The following DNAH14 variants were observed in gnomAD, a reference collection of about 807,000 sequenced individuals.
DNAH14 encodes the protein dynein axonemal heavy chain 14.
A neutral mutation model predicts 520.9 loss-of-function variants in DNAH14; 478 were observed. The observed-to-expected ratio is 0.92, with a 90% confidence interval of 0.85 to 0.99. The LOEUF is 0.99. Among genes scored for constraint, DNAH14 ranks in the 50% least tolerant of loss-of-function variants. DNAH14 has a pLI of 0.00. For missense variants in DNAH14, 4,831 were observed against 5,234.5 expected (o/e 0.92, Z 2.38); for synonymous variants, 1,581 against 1,757.2 (o/e 0.90, Z 2.51).
At chr1:225,384,163 T>G (rs1173478686) in intron 81 of DNAH14, among the ~76,000 whole-genome samples, 1 of 152,154 alleles carries the variant, frequency 6.6e-6, no homozygotes, top group African/African-American at 2.4e-5. Context: ...CCAACTATGT[T>G]GTCAATTTTG....
intron 60 of DNAH14, among the ~76,000 whole-genome samples, chr1:225,316,254 G>A (rs942976732): frequency 2.6e-5 from 4 of 152,224 alleles, no homozygotes; most frequent in African/African-American, 9.6e-5. Flanking sequence ...CTGGCAGTGA[G>A]AATTTCAAGC....
intron 44 of DNAH14, among the ~76,000 whole-genome samples, chr1:225,254,717 T>C (rs2092679069): frequency 6.6e-6 from 1 of 152,194 alleles, no homozygotes; most frequent in Non-Finnish European, 1.5e-5. Flanking sequence ...TGGGCTCTCA[T>C]AGTTTCAAAA....
intron 36 of DNAH14, among the ~76,000 whole-genome samples, chr1:225,180,002 A>G (rs1245190596): frequency 6.6e-6 from 1 of 151,920 alleles, no homozygotes; most frequent in African/African-American, 2.4e-5. Flanking sequence ...AACCCCTTTA[A>G]GTGTTATTTG....
In DNAH14 at chr1:225,250,831, G is replaced by C. The variant is rs567132658; in HGVS notation, c.6749-1470G>C. On this transcript the variant is annotated intron_variant, in intron 43 of 85. Transcript: ENST00000682510. ...GAACAGGGCTGTCCCTGGCTATCTG[G>C]TACCTGGCTTTGGGGTGATTAGGGT... is the stretch of plus-strand genomic sequence containing the variant. 142 of 427,096 alleles carry C rather than the reference G, an allele frequency of 3.3e-4. 3 individuals carry two copies. In the South Asian group the frequency reaches 5.8e-3, roughly 17 times the overall value. The allele number at this position is 427,096 out of a possible 1,614,324, so 26.5% of individuals were successfully genotyped here.
chr1:225,149,235 A>G (rs1237418747), intron 31 of DNAH14, among the ~76,000 whole-genome samples: 4 of 152,092 alleles, frequency 2.6e-5, no homozygotes, highest in African/African-American at 9.7e-5. Context: ...AGATGGTTGT[A>G]TGTGTGCAGC....
In DNAH14 at chr1:225,399,234, C is replaced by T. The variant is rs554918900; in HGVS notation, c.13819C>T (p.Arg4607Trp). Reference sequence around the variant, plus strand: ...ACCTCCTAGTCACTGGATCACAATGCGGGTTGCATTGCTTTGTGAGAAGAA... The same window carrying T: ...ACCTCCTAGTCACTGGATCACAATGTGGGTTGCATTGCTTTGTGAGAAGAA... ...KKPPSHWITM[R>W]VALLCEKNEK The change falls in exon 86 of 86, where the codon CGG (arginine) becomes TGG (tryptophan). Residue 4607 changes from arginine to tryptophan, a missense_variant. Arg to Trp is a moderately radical substitution (Grantham distance 101, BLOSUM62 -3). Transcript: ENST00000682510. 46 of 1,551,512 alleles carry T rather than the reference C, an allele frequency of 3.0e-5. No individual in the cohort carries two copies. Among genetic ancestry groups the T allele is most frequent in the African/African-American group, 2.5e-4 (18 of 73,136 alleles).
At position 225,374,831 on chromosome 1, in the gene DNAH14, C is replaced by A; in HGVS notation, c.12462C>A (p.Tyr4154Ter). 1 of 1,551,436 alleles carries A rather than the reference C, an allele frequency of 6.4e-7. No homozygotes were observed. The highest frequency in any genetic ancestry group is 8.7e-7 in the Non-Finnish European group (1 of 1,146,826). Reference sequence around the variant, plus strand: ...AGCGATGCTTGAAGACCCTACTCTACAAATTTTGTAATCCTGAAGTGCTGA... The same window carrying A: ...AGCGATGCTTGAAGACCCTACTCTAAAAATTTTGTAATCCTGAAGTGCTGA... ...WDKRCLKTLL[Y>*]KFCNPEVLKD... The change falls in exon 78 of 86, where the codon TAC (tyrosine) becomes TAA (stop). Residue 4154 changes from tyrosine to a stop codon, truncating the protein, a stop_gained. Transcript: ENST00000682510. LOFTEE classifies it high-confidence loss of function.
At chr1:225,374,572 A>AT in intron 77 of DNAH14, 116 bp from the exon 78 acceptor site, 1 of 1,019,730 alleles carries the variant, frequency 9.8e-7, no homozygotes, top group Non-Finnish European at 1.4e-6. Flanking sequence ...ATTTCTATAT[A>AT]TTTTTTAAAG....
chr1:225,050,503 C>T, intron 16 of DNAH14, 127 bp downstream of exon 16: 1 of 977,818 alleles, frequency 1.0e-6, no homozygotes, highest in South Asian at 2.0e-5. Context: ...TCATTTCCAG[C>T]TTATCTCCCC....
intron 17 of DNAH14, among the ~76,000 whole-genome samples, chr1:225,052,204 G>A (rs974359748): frequency 2.0e-5 from 3 of 152,136 alleles, no homozygotes; most frequent in African/African-American, 7.2e-5. Flanking sequence ...GAATATTGGA[G>A]TTTCACTGTA....
chr1:225,056,436 T>C (rs2069107813), intron 17 of DNAH14, among the ~76,000 whole-genome samples: 1 of 152,212 alleles, frequency 6.6e-6, no homozygotes, highest in African/African-American at 2.4e-5. Context: ...ATTAGCCCTT[T>C]GTCAGATGAG....
At chr1:224,962,803 A>T (rs2060926072) in intron 4 of DNAH14, among the ~76,000 whole-genome samples, 1 of 152,048 alleles carries the variant, frequency 6.6e-6, no homozygotes, top group African/African-American at 2.4e-5. Flanking sequence ...TTTACTATTT[A>T]TTCTGAAAAA....
At position 225,264,275 on chromosome 1, in the gene DNAH14, TAC is replaced by T; in HGVS notation, c.7222+16_7222+17del. 1 of 1,537,842 alleles carries T rather than the reference TAC, an allele frequency of 6.5e-7. No homozygotes were observed. On this transcript the variant is annotated intron_variant, in intron 47 of 85. Coordinates refer to ENST00000682510, the MANE Select transcript of DNAH14 (RefSeq NM_001367479.1). Reference sequence around the variant, plus strand: ...CTGGAAGTTCAGGTATATATTATAGTACAGTTTCAAAGCTATGCTATGTTTCA... The same window carrying T: ...CTGGAAGTTCAGGTATATATTATAGTAGTTTCAAAGCTATGCTATGTTTCA...
rs200333099 is a variant in DNAH14, at chr1:225,322,681, C to T, written c.9353C>T (p.Pro3118Leu). The part of the protein sequence containing the change: ...VAELRVYTRP[P>L]FLVLTVMNAV... ...TATTACAGAGTATACACACGGCCTC[C>T]CTTCCTTGTACTGACTGTCATGAAT... The change falls in exon 62 of 86, where the codon CCC becomes CTC. Residue 3118 changes from proline (P) to leucine (L), a missense_variant. Pro to Leu is a moderately conservative substitution (Grantham distance 98). Transcript: ENST00000682510. 7.8e-5 allele frequency: 120 copies of T among 1,540,048 alleles called. No homozygotes were observed. Among genetic ancestry groups the T allele is most frequent in the Non-Finnish European group, 9.7e-5 (110 of 1,138,020 alleles).
intron 41 of DNAH14, among the ~76,000 whole-genome samples, chr1:225,227,119 A>G (rs1054331735): frequency 3.3e-5 from 5 of 151,650 alleles, no homozygotes; most frequent in Non-Finnish European, 7.4e-5. Context: ...TCTTATCTCA[A>G]CTGCAAAGAG....
At chr1:225,113,419 G>T (rs912873801) in intron 23 of DNAH14, among the ~76,000 whole-genome samples, 3 of 152,212 alleles carry the variant, frequency 2.0e-5, no homozygotes, top group Admixed American at 2.0e-4. Flanking sequence ...TGGAGCCATG[G>T]TGGGTCAGAC....
intron 55 of DNAH14, among the ~76,000 whole-genome samples, chr1:225,293,102 C>T (rs1181933855): frequency 1.3e-5 from 2 of 151,770 alleles, no homozygotes; most frequent in Admixed American, 6.6e-5. Context: ...TAGAGAAATG[C>T]AAATCAAAAC....
intron 17 of DNAH14, among the ~76,000 whole-genome samples, chr1:225,057,432 A>C (rs2069275779): frequency 6.6e-6 from 1 of 152,206 alleles, no homozygotes; most frequent in Non-Finnish European, 1.5e-5. Flanking sequence ...TTTTGGGCTG[A>C]GACAATGGGG....
intron 57 of DNAH14, among the ~76,000 whole-genome samples, chr1:225,303,605 C>G (rs1305611112): frequency 6.6e-6 from 1 of 152,160 alleles, no homozygotes; most frequent in East Asian, 1.9e-4. Context: ...CATGGTGGAA[C>G]AGCAGATTTC....
Sources: allele counts gnomAD v4.1 joint callset (sites outside exome capture counted in the v4.1 genomes callset), GRCh38; gene constraint gnomAD v4.1.1; transcripts MANE v1.5; gene names NCBI Gene and HGNC (gene_info 2026-07-23, HGNC 2026-07-21).